The following AFG1L variants were observed in gnomAD, a reference collection of about 807,000 sequenced individuals.
AFG1L encodes the protein AFG1 like ATPase.
Under a neutral mutation model 62.2 loss-of-function variants are expected in AFG1L, and 53 were observed. That is an observed-to-expected ratio of 0.85 (90% confidence interval 0.68 to 1.07). AFG1L has a LOEUF of 1.07. Ranked by LOEUF, AFG1L falls within the 50% of genes least tolerant of loss-of-function variation. The pLI is 0.00. For missense variants in AFG1L, 555 were observed against 590.5 expected (o/e 0.94, Z 0.62); for synonymous variants, 228 against 210.3 (o/e 1.08, Z -0.73).
At chr6:108,471,918 G>T (rs984865138) in intron 8 of AFG1L, among the ~76,000 whole-genome samples, 14 of 152,132 alleles carry the variant, frequency 9.2e-5, no homozygotes, top group African/African-American at 3.4e-4. Context: ...TACTGGGAAA[G>T]CATTATGTTA....
chr6:108,484,075 C>T lies in AFG1L; in HGVS notation c.1062+6783C>T, dbSNP rs534127543. 3.3e-5 allele frequency among the ~76,000 whole-genome samples: 5 copies of T among 152,296 alleles called. No individual in the cohort carries two copies. In the South Asian group the frequency reaches 8.3e-4, roughly 25 times the overall value. ...ATACTAAAGGATGAATAGCTTTTAT[C>T]TCTACTACTTGGCCAAGAGTCAAGG... On this transcript the variant is annotated intron_variant, in intron 10 of 12. Coordinates refer to ENST00000368977, the MANE Select transcript of AFG1L (RefSeq NM_145315.5).
chr6:108,385,626 A>G (rs536153436), intron 6 of AFG1L, among the ~76,000 whole-genome samples: 4 of 152,050 alleles, frequency 2.6e-5, no homozygotes, highest in South Asian at 2.1e-4. Flanking sequence ...TCCACACGCT[A>G]TATTTCTGTA....
rs929710196 is a variant in AFG1L at position 108,519,848 on chromosome 6, C to T, written c.1317+38C>T. The T allele has an allele frequency of 5.9e-6, 8 of 1,346,498 alleles. No homozygotes were observed. The Admixed American group carries it at 9.6e-5, about 16-fold the overall frequency. 83.4% of individuals were successfully genotyped at this position (1,346,498 alleles called of 1,614,324 possible). A position where few individuals can be genotyped will look rare whatever the true frequency, so the allele number is the denominator to read the frequency against. ...AACATAATCTCTTTTTATTATAAAA[C>T]AGCTTAATTGTTTTTGGTTTGATGC... On this transcript the variant is annotated intron_variant, in intron 12 of 12. Transcript: ENST00000368977.
chr6:108,397,626 C>T (rs1022292792), intron 6 of AFG1L, among the ~76,000 whole-genome samples: 1 of 152,114 alleles, frequency 6.6e-6, no homozygotes. Flanking sequence ...CACTACCCTT[C>T]CCAGCCTCTG....
chr6:108,301,305 C>G (rs1471400547), intron 1 of AFG1L, among the ~76,000 whole-genome samples: 1 of 152,188 alleles, frequency 6.6e-6, no homozygotes, highest in South Asian at 2.1e-4. Context: ...TGCAGCCCAC[C>G]AAGTCTCAGA....
At position 108,525,051 on chromosome 6, in the gene AFG1L, A is replaced by C. The variant is rs1229486980; in HGVS notation, c.*2626A>C. 6.6e-6 allele frequency: 1 copy of C among 152,228 alleles called. No homozygotes were observed. Among genetic ancestry groups the C allele is most frequent in the African/African-American group, 2.4e-5 (1 of 41,464 alleles). The allele number at this position is 152,228 out of a possible 1,614,324, so 9.4% of individuals were successfully genotyped here. A position where few individuals can be genotyped will look rare whatever the true frequency, so the allele number is the denominator to read the frequency against. ...TCTTTTTTTGAAATGCTTTAAATGT[A>C]TACTTTGAGACGGAGGTTTGAGCTG... is the stretch of plus-strand genomic sequence containing the variant. On this transcript the variant is annotated 3_prime_UTR_variant, in exon 13 of 13. Coordinates refer to ENST00000368977, the MANE Select transcript of AFG1L (RefSeq NM_145315.5).
At chr6:108,384,061 T>TAAAAAAA (rs541978025) in intron 6 of AFG1L, among the ~76,000 whole-genome samples, 1 of 80,102 alleles carries the variant, frequency 1.2e-5, no homozygotes, top group African/African-American at 3.9e-5. Flanking sequence ...TCCTGGAGAG[T>TAAAAAAA]AAAAAAAAAA....
intron 7 of AFG1L, among the ~76,000 whole-genome samples, chr6:108,440,002 A>G (rs930503385): frequency 1.2e-4 from 18 of 152,280 alleles, no homozygotes; most frequent in Middle Eastern, 3.4e-3. Context: ...GCATAGAACT[A>G]TATATAATAT....
At chr6:108,360,508 ATTCCCCT>A (rs779411217) in intron 5 of AFG1L, among the ~76,000 whole-genome samples, 1 of 152,166 alleles carries the variant, frequency 6.6e-6, no homozygotes, top group African/African-American at 2.4e-5. Flanking sequence ...GGGAGACCCT[ATTCCCCT>A]GAGCAAGTTT....
At chr6:108,482,130 T>C (rs752160359) in intron 10 of AFG1L, among the ~76,000 whole-genome samples, 6 of 152,218 alleles carry the variant, frequency 3.9e-5, no homozygotes, top group Non-Finnish European at 5.9e-5. Flanking sequence ...TTGATAATTG[T>C]TTAATTAAAT....
At chr6:108,379,815 A>G (rs900513648) in intron 6 of AFG1L, among the ~76,000 whole-genome samples, 6 of 152,216 alleles carry the variant, frequency 3.9e-5, no homozygotes, top group Non-Finnish European at 5.9e-5. Flanking sequence ...TTGCTGCACT[A>G]TGATCTATAC....
chr6:108,443,497 A>G (rs143732294), intron 7 of AFG1L, among the ~76,000 whole-genome samples: 1 of 152,232 alleles, frequency 6.6e-6, no homozygotes, highest in Admixed American at 6.5e-5. Context: ...CATTGTAAGA[A>G]GAACATGTTG....
chr6:108,440,934 A>G (rs76028495), intron 7 of AFG1L, among the ~76,000 whole-genome samples: 3,038 of 152,306 alleles, frequency 0.02, 96 homozygotes, highest in African/African-American at 0.069. Flanking sequence ...AACACTAATA[A>G]TTTTGATTCT....
intron 8 of AFG1L, among the ~76,000 whole-genome samples, chr6:108,464,788 C>T (rs376542708): frequency 6.6e-6 from 1 of 151,542 alleles, no homozygotes; most frequent in African/African-American, 2.4e-5. Context: ...AAAAAACAAA[C>T]AAAAAAAACA....
At chr6:108,483,249 G>A (rs1176768083) in intron 10 of AFG1L, among the ~76,000 whole-genome samples, 2 of 152,098 alleles carry the variant, frequency 1.3e-5, no homozygotes, top group African/African-American at 2.4e-5. Flanking sequence ...AATGTGATTT[G>A]TGTTAATTTG....
intron 1 of AFG1L, among the ~76,000 whole-genome samples, chr6:108,306,708 G>T (rs1037614167): frequency 6.6e-6 from 1 of 152,140 alleles, no homozygotes; most frequent in Non-Finnish European, 1.5e-5. Context: ...AGTCTTTTGT[G>T]CTGTCGGTCA....
At chr6:108,304,402 T>C (rs909028719) in intron 1 of AFG1L, among the ~76,000 whole-genome samples, 7 of 152,208 alleles carry the variant, frequency 4.6e-5, no homozygotes, top group African/African-American at 1.7e-4. Context: ...TAGAACATAA[T>C]AGAGCATAAA....
At chr6:108,443,990 T>C (rs1458832605) in intron 7 of AFG1L, among the ~76,000 whole-genome samples, 2 of 152,182 alleles carry the variant, frequency 1.3e-5, no homozygotes, top group Non-Finnish European at 2.9e-5. Context: ...AATGTCAGCC[T>C]ATAGTTGTTT....
intron 3 of AFG1L, among the ~76,000 whole-genome samples, chr6:108,351,519 A>G (rs1319668029): frequency 6.6e-6 from 1 of 152,194 alleles, no homozygotes; most frequent in East Asian, 1.9e-4. Context: ...CTGCCAATAA[A>G]GATAATTTTA....
Sources: gnomAD v4.1 joint callset for allele counts (sites outside exome capture counted in the v4.1 genomes callset) on GRCh38, gnomAD v4.1.1 for gene constraint, MANE v1.5 for transcripts, NCBI Gene and HGNC (gene_info 2026-07-23, HGNC 2026-07-21) for gene names.